The following ASXL1 variants were observed in gnomAD, a reference collection of about 807,000 sequenced individuals.
ASXL1 encodes polycomb group protein ASXL1.
Under a neutral mutation model 89.1 loss-of-function variants are expected in ASXL1, and 65 were observed. The observed-to-expected ratio is 0.73, with a 90% CI of 0.60 to 0.90. The LOEUF (loss-of-function observed/expected upper bound fraction) is 0.90, where lower values mean the gene tolerates loss of function less well. Among genes scored for constraint, ASXL1 ranks in the 40% least tolerant of loss-of-function variants. The pLI, the probability that ASXL1 is intolerant of heterozygous loss-of-function variation, is 0.00. For synonymous variants in ASXL1, 739 were observed against 746.9 expected, an observed-to-expected ratio of 0.99 and a Z score of 0.17; for missense variants, 1,786 against 1,942.9, an observed-to-expected ratio of 0.92 and a Z score of 1.52.
intron 1 of ASXL1, chr20:32,359,599 G>C: frequency 1.5e-6 from 1 of 688,564 alleles, no homozygotes; most frequent in Admixed American, 2.1e-5. Flanking sequence ...AGCTGGACTG[G>C]AAATTGGTAT....
intron 4 of ASXL1, among the ~76,000 whole-genome samples, chr20:32,388,653 A>G (rs2048619991): frequency 6.6e-6 from 1 of 152,184 alleles, no homozygotes; most frequent in Non-Finnish European, 1.5e-5. Flanking sequence ...TAGGTTATAA[A>G]TTATTGAGAA....
chr20:32,434,475 A>T lies in ASXL1; in HGVS notation c.1763A>T (p.Gln588Leu). The T allele has an allele frequency of 6.2e-7, 1 of 1,614,152 alleles. No homozygotes were observed. Among genetic ancestry groups the T allele is most frequent in the Non-Finnish European group, 8.5e-7 (1 of 1,180,042 alleles). Residue 588 changes from glutamine (Q) to leucine (L), a missense_variant, in exon 13 of 13, where the codon CAG (glutamine) becomes CTG (leucine). By Grantham distance (113) the Gln-to-Leu change is moderately radical. Transcript: ENST00000375687. ...AAACCACCCTGGGTGGTTAAAGGTCAGCCCACTTACCAGATATGCCCCCGG... is the reference window on the plus strand; with the variant it reads ...AAACCACCCTGGGTGGTTAAAGGTCTGCCCACTTACCAGATATGCCCCCGG... ...RIKPPWVVKG[Q>L]PTYQICPRII...
In ASXL1 at chr20:32,436,223, AG is replaced by A. The variant is rs2011857772; in HGVS notation, c.3514del (p.Ala1172LeufsTer2). The A allele has an allele frequency of 6.2e-7, 1 of 1,614,250 alleles. No individual in the cohort carries two copies. Among genetic ancestry groups the A allele is most frequent in the Non-Finnish European group, 8.5e-7 (1 of 1,180,046 alleles). On this transcript the variant is annotated frameshift_variant, in exon 13 of 13. Coordinates refer to ENST00000375687, the MANE Select transcript of ASXL1 (RefSeq NM_015338.6). LOFTEE classifies it high-confidence loss of function. Reference protein sequence around the residue: ...MVDGSSPSSLRALKEPLLPDS... With the variant: ...MVDGSSPSSLXALKEPLLPDS... ...TGATGGAAGCAGCCCCAGTTCTTTA[AG>A]GGCTTTGAAGGAGCCTCTTCTGCCA...
intron 4 of ASXL1, among the ~76,000 whole-genome samples, chr20:32,407,951 T>G (rs1569292454): frequency 2.0e-5 from 3 of 152,176 alleles, no homozygotes; most frequent in African/African-American, 4.8e-5. Flanking sequence ...TTAATTTTTA[T>G]TTTTGAGAGG....
intron 4 of ASXL1, among the ~76,000 whole-genome samples, chr20:32,401,550 T>TTTTC (rs1555907089): frequency 3.8e-5 from 5 of 129,984 alleles, no homozygotes; most frequent in Non-Finnish European, 6.2e-5. Context: ...GTGTGTTTTT[T>TTTTC]CCCCCCCCCC....
Position 32,437,284 on chromosome 20 carries a change from C to CG in ASXL1, c.4573dup (p.Asp1525GlyfsTer2). 1 of 1,614,160 alleles carries CG rather than the reference C, an allele frequency of 6.2e-7. No homozygotes were observed. The highest frequency in any genetic ancestry group is 8.5e-7 in the Non-Finnish European group (1 of 1,180,040). On this transcript the variant is annotated frameshift_variant, in exon 13 of 13. Coordinates refer to ENST00000375687, the MANE Select transcript of ASXL1 (RefSeq NM_015338.6). LOFTEE classifies it high-confidence loss of function. ...GCCAAGGCTGCGGTGCGTTCTGTCA[C>CG]GATGACTGTATTGGACCCTCAAAGC...
At chr20:32,407,944 A>G (rs1425276830) in intron 4 of ASXL1, among the ~76,000 whole-genome samples, 1 of 152,100 alleles carries the variant, frequency 6.6e-6, no homozygotes, top group East Asian at 1.9e-4. Context: ...TGTCAAATTA[A>G]TTTTTATTTT....
At position 32,429,123 on chromosome 20, in the gene ASXL1, A is replaced by G; in HGVS notation, c.472-215A>G. On this transcript the variant is annotated intron_variant, in intron 6 of 12. Transcript: ENST00000375687. This position sits in a 1 kb window ranked among gnomAD's most constrained non-coding sequence, Gnocchi z 4.9. ...AATTCCTTACCTGTAAAATGGGGATAACAGTACATTTTTGTAGCTTGGAAT... is the reference window on the plus strand; with the variant it reads ...AATTCCTTACCTGTAAAATGGGGATGACAGTACATTTTTGTAGCTTGGAAT... The G allele has an allele frequency of 1.7e-6, 1 of 583,878 alleles. No homozygotes were observed. The highest frequency in any genetic ancestry group is 3.1e-6 in the Non-Finnish European group (1 of 324,126). 36.2% of individuals were successfully genotyped at this position (583,878 alleles called of 1,614,324 possible).
chr20:32,385,236 G>T (rs1425355227), intron 4 of ASXL1, among the ~76,000 whole-genome samples: 2 of 152,206 alleles, frequency 1.3e-5, no homozygotes, highest in Non-Finnish European at 2.9e-5. Context: ...AATTGCCTGT[G>T]AGAGTTTAAG....
At chr20:32,428,065 T>C (rs1266674842) in intron 4 of ASXL1, 63 bp from the exon 5 acceptor site, 2 of 1,606,904 alleles carry the variant, frequency 1.2e-6, no homozygotes, top group African/African-American at 1.3e-5. Flanking sequence ...CATTTAGGAA[T>C]GACTGCCTTG....
At chr20:32,406,850 T>C (rs190482270) in intron 4 of ASXL1, among the ~76,000 whole-genome samples, 38 of 152,250 alleles carry the variant, frequency 2.5e-4, no homozygotes, top group Non-Finnish European at 1.9e-4. Context: ...CACACTCAGA[T>C]ACACACAGAT....
At chr20:32,359,887 A>T in intron 1 of ASXL1, 1 of 715,386 alleles carries the variant, frequency 1.4e-6, no homozygotes, top group South Asian at 1.5e-5. Context: ...AACAGGTTAT[A>T]CTAAGATGTC....
Position 32,437,182 on chromosome 20 carries a change from G to T in ASXL1, c.4470G>T (p.Leu1490Phe), listed in dbSNP as rs140896392. ...FGASHSASLS[L>F]QMFTDSSTVE... ...CGAGCCACAGTGCATCACTTTCCTTGCAAATGTTCACTGACAGCAGCACGG... is the reference window on the plus strand; with the variant it reads ...CGAGCCACAGTGCATCACTTTCCTTTCAAATGTTCACTGACAGCAGCACGG... Residue 1490 changes from leucine (L) to phenylalanine (F), a missense_variant, in exon 13 of 13, where the codon TTG (leucine) becomes TTT (phenylalanine). Leu to Phe is a conservative substitution (Grantham distance 22, BLOSUM62 0). Transcript: ENST00000375687. The T allele has an allele frequency of 9.2e-5, 148 of 1,613,668 alleles. No homozygotes were observed. The African/African-American group carries it at 1.7e-3, about 19-fold the overall frequency.
At chr20:32,359,847 T>C in intron 1 of ASXL1, 1 of 717,546 alleles carries the variant, frequency 1.4e-6, no homozygotes, top group South Asian at 1.5e-5. Flanking sequence ...TTGAGACATA[T>C]TCGGGTAATT....
At chr20:32,373,102 C>T (rs1046568820) in intron 4 of ASXL1, among the ~76,000 whole-genome samples, 47 of 150,504 alleles carry the variant, frequency 3.1e-4, no homozygotes, top group African/African-American at 9.2e-4. Flanking sequence ...ATGGGCTGGG[C>T]GCAGTGGCTC....
intron 4 of ASXL1, among the ~76,000 whole-genome samples, chr20:32,386,656 G>A (rs1254687301): frequency 6.6e-6 from 1 of 152,076 alleles, no homozygotes; most frequent in Non-Finnish European, 1.5e-5. Context: ...GGCCTCAAGT[G>A]ATCTGCCAGC....
At chr20:32,377,063 ATATATTATATATAATGTTATATAGATATC>A (rs2048393413) in intron 4 of ASXL1, among the ~76,000 whole-genome samples, 1 of 141,898 alleles carries the variant, frequency 7.0e-6, no homozygotes, top group African/African-American at 2.6e-5. Flanking sequence ...TATGTCTATT[ATATATTATATATAATGTTATATAGATATC>A]TATATTATAT....
At chr20:32,361,831 C>A (rs527645601) in intron 1 of ASXL1, among the ~76,000 whole-genome samples, 204 of 151,856 alleles carry the variant, frequency 1.3e-3, no homozygotes, top group Middle Eastern at 3.4e-3. Context: ...TTTGGGAGGC[C>A]GAGGCAGACG....
At chr20:32,413,677 T>G (rs1238053499) in intron 4 of ASXL1, among the ~76,000 whole-genome samples, 1 of 152,206 alleles carries the variant, frequency 6.6e-6, no homozygotes, top group Non-Finnish European at 1.5e-5. Context: ...GTGCTAAAAC[T>G]GGAAACTCCC....
Sources: gnomAD v4.1 joint callset for allele counts (sites outside exome capture counted in the v4.1 genomes callset) on GRCh38, gnomAD v4.1.1 for gene constraint, Gnocchi (gnomAD v3.1) non-coding constraint, MANE v1.5 for transcripts, NCBI Gene and HGNC (gene_info 2026-07-23, HGNC 2026-07-21) for gene names.